Variants in CATSPERB observed in about 807,000 individuals in gnomAD.
The protein encoded by CATSPERB is catsper channel auxiliary subunit beta.
CATSPERB carries 93 observed loss-of-function variants against 128.3 expected under a neutral mutation model. The observed-to-expected ratio is 0.72, with a 90% CI of 0.61 to 0.86. CATSPERB has a LOEUF of 0.86. Among genes scored for constraint, CATSPERB ranks in the 40% least tolerant of loss-of-function variants. The pLI, the probability that CATSPERB is intolerant of heterozygous loss-of-function variation, is 0.00. For synonymous variants in CATSPERB, 381 were observed against 448.8 expected (o/e 0.85, Z 1.91); for missense variants, 1,153 against 1,329.5 (o/e 0.87, Z 2.06).
At chr14:91,724,265 A>G (rs1293982950) in intron 3 of CATSPERB, among the ~76,000 whole-genome samples, 1 of 152,198 alleles carries the variant, frequency 6.6e-6, no homozygotes, top group Non-Finnish European at 1.5e-5. Context: ...CACACAGACC[A>G]TAAATGGCAG....
In CATSPERB at chr14:91,690,140, G is replaced by A. The variant is rs531971870; in HGVS notation, c.864+1383C>T. On this transcript the variant is annotated intron_variant, in intron 10 of 26. Coordinates refer to ENST00000256343, the MANE Select transcript of CATSPERB (RefSeq NM_024764.4). ...CCCGAGTAGCTGGGATTACAGGCAT[G>A]TACCAACATATCTGGCTAATTTTTG... 2.0e-5 allele frequency among the ~76,000 whole-genome samples: 3 copies of A among 152,208 alleles called. No homozygotes were observed. The South Asian group carries it at 6.2e-4, about 32-fold the overall frequency.
At chr14:91,722,341 G>T (rs937711099) in intron 4 of CATSPERB, among the ~76,000 whole-genome samples, 4 of 152,188 alleles carry the variant, frequency 2.6e-5, no homozygotes, top group Non-Finnish European at 4.4e-5. Flanking sequence ...TATACAATGC[G>T]ATATTATTTG....
chr14:91,729,699 A>G (rs1301795103), intron 1 of CATSPERB, among the ~76,000 whole-genome samples: 1 of 152,214 alleles, frequency 6.6e-6, no homozygotes, highest in Non-Finnish European at 1.5e-5. Context: ...TACAAACTAG[A>G]AAAAGAGATG....
In CATSPERB at chr14:91,591,961, C is replaced by T. The variant is rs1274950519; in HGVS notation, c.2751G>A (p.Arg917=). The change falls in exon 23 of 27, where the codon CGG becomes CGA. Residue 917 remains arginine (R), a synonymous_variant. Coordinates refer to ENST00000256343, the MANE Select transcript of CATSPERB (RefSeq NM_024764.4). The part of the protein sequence containing the change: ...KFKQCANVST[R]EECNCTKDQK... Reference sequence around the variant, plus strand: ...GATCCTTTGTGCAGTTACACTCCTCCCGAGTGGAAACATTAGCACACTGTT... The same window carrying T: ...GATCCTTTGTGCAGTTACACTCCTCTCGAGTGGAAACATTAGCACACTGTT... The T allele has an allele frequency of 2.5e-6, 4 of 1,613,956 alleles. No homozygotes were observed. The highest frequency in any genetic ancestry group is 3.3e-5 in the Admixed American group (2 of 60,006).
intron 14 of CATSPERB, among the ~76,000 whole-genome samples, chr14:91,666,545 G>A (rs958150984): frequency 2.0e-5 from 3 of 152,188 alleles, no homozygotes; most frequent in South Asian, 4.1e-4. Context: ...ACTCAGACTC[G>A]TGAGACAACC....
chr14:91,711,896 A>G (rs1166154339), intron 5 of CATSPERB, among the ~76,000 whole-genome samples: 2 of 152,242 alleles, frequency 1.3e-5, no homozygotes, highest in Admixed American at 6.5e-5. Context: ...GGAATAAGCT[A>G]GAAAAATCAA....
chr14:91,665,408 C>G (rs912451577), intron 14 of CATSPERB, among the ~76,000 whole-genome samples: 2 of 152,006 alleles, frequency 1.3e-5, no homozygotes, highest in Admixed American at 1.3e-4. Context: ...TGGAGAAATA[C>G]AGAGAAAAAA....
At chr14:91,640,296 A>C (rs1358782245) in intron 15 of CATSPERB, among the ~76,000 whole-genome samples, 1 of 150,558 alleles carries the variant, frequency 6.6e-6, no homozygotes, top group Non-Finnish European at 1.5e-5. Flanking sequence ...CACATTGTGC[A>C]GGTTAGATAC....
chr14:91,603,222 A>T, intron 22 of CATSPERB: 1 of 859,166 alleles, frequency 1.2e-6, no homozygotes, highest in Non-Finnish European at 2.0e-6. Context: ...AAAATAGGGC[A>T]TTCTTTTCAT....
intron 14 of CATSPERB, among the ~76,000 whole-genome samples, chr14:91,660,245 T>C (rs1894853671): frequency 1.3e-5 from 2 of 152,272 alleles, no homozygotes; most frequent in African/African-American, 2.4e-5. Context: ...ACAATATGCA[T>C]AGTGATTGTA....
intron 17 of CATSPERB, among the ~76,000 whole-genome samples, chr14:91,625,300 C>T (rs1223904798): frequency 6.6e-6 from 1 of 152,164 alleles, no homozygotes; most frequent in Non-Finnish European, 1.5e-5. Context: ...GAACTAGCTT[C>T]CTGGAAAGCA....
intron 6 of CATSPERB, among the ~76,000 whole-genome samples, chr14:91,707,861 C>A (rs1895761298): frequency 6.6e-6 from 1 of 151,678 alleles, no homozygotes; most frequent in Non-Finnish European, 1.5e-5. Context: ...CCCACCTCGG[C>A]CTCCCAAAGT....
chr14:91,693,325 T>C, intron 8 of CATSPERB, 59 bp downstream of exon 8: 3 of 1,543,588 alleles, frequency 1.9e-6, no homozygotes, highest in Non-Finnish European at 2.7e-6. Context: ...TTTATAGATA[T>C]TAATCAAATA....
chr14:91,692,416 A>G (rs989220235), intron 9 of CATSPERB, among the ~76,000 whole-genome samples: 2 of 152,164 alleles, frequency 1.3e-5, no homozygotes, highest in Admixed American at 6.5e-5. Flanking sequence ...TAGCAATTAT[A>G]TAATAAGCAT....
At chr14:91,725,679 C>A (rs1218609490) in intron 2 of CATSPERB, among the ~76,000 whole-genome samples, 1 of 152,078 alleles carries the variant, frequency 6.6e-6, no homozygotes, top group Non-Finnish European at 1.5e-5. Flanking sequence ...ATCTAGAAGG[C>A]AAGAGATGAT....
chr14:91,649,717 T>C (rs1894673330), intron 15 of CATSPERB, among the ~76,000 whole-genome samples: 1 of 122,092 alleles, frequency 8.2e-6, no homozygotes, highest in Admixed American at 7.7e-5. Flanking sequence ...CCTAACTCCA[T>C]GTAAAGTTAT....
At chr14:91,727,281 A>C (rs1259517144) in intron 2 of CATSPERB, among the ~76,000 whole-genome samples, 4 of 152,074 alleles carry the variant, frequency 2.6e-5, no homozygotes. Context: ...TATTCCCCAG[A>C]GTTTATTGTT....
intron 22 of CATSPERB, chr14:91,604,736 A>T: frequency 6.2e-7 from 1 of 1,613,856 alleles, no homozygotes; most frequent in Non-Finnish European, 8.5e-7. Context: ...GTTGCTCCAC[A>T]TTGGAAAGTT....
chr14:91,598,731 GC>G (rs1893554425), intron 22 of CATSPERB, among the ~76,000 whole-genome samples: 1 of 151,802 alleles, frequency 6.6e-6, no homozygotes, highest in African/African-American at 2.4e-5. Flanking sequence ...GGTGGCAGGC[GC>G]TTGTAGTCCC....
Sources: allele counts gnomAD v4.1 joint callset (sites outside exome capture counted in the v4.1 genomes callset), GRCh38; gene constraint gnomAD v4.1.1; transcripts MANE v1.5; gene names NCBI Gene and HGNC (gene_info 2026-07-23, HGNC 2026-07-21).